Variants in DPP6 observed in about 807,000 individuals in gnomAD.
The protein encoded by DPP6 is A-type potassium channel modulatory protein DPP6.
In DPP6, 69 loss-of-function variants were observed where a neutral mutation model predicts 122.6. The observed-to-expected ratio is 0.56, with a 90% CI of 0.46 to 0.69. The LOEUF is 0.69. Ranked by LOEUF, DPP6 falls within the 30% of genes least tolerant of loss-of-function variation. The pLI is 0.00. For synonymous variants in DPP6, 418 were observed against 433.1 expected (o/e 0.97, Z 0.43); for missense variants, 928 against 1,116.9 (o/e 0.83, Z 2.41).
At chr7:154,525,599 G>C (rs994411243) in intron 3 of DPP6, among the ~76,000 whole-genome samples, 8 of 152,234 alleles carry the variant, frequency 5.3e-5, no homozygotes, top group Non-Finnish European at 1.0e-4. Flanking sequence ...TGCTACCACA[G>C]CTAATATGCA....
intron 1 of DPP6, among the ~76,000 whole-genome samples, chr7:154,172,600 T>C (rs914770721): frequency 1.2e-4 from 18 of 148,396 alleles, no homozygotes; most frequent in Non-Finnish European, 2.7e-4. Flanking sequence ...AAAGTCTTTT[T>C]TTTTCTTTTT....
At chr7:154,740,800 A>C (rs561289664) in intron 8 of DPP6, among the ~76,000 whole-genome samples, 1 of 152,030 alleles carries the variant, frequency 6.6e-6, no homozygotes, top group East Asian at 1.9e-4. Context: ...CGTCACCCCC[A>C]CACACAGGAC....
At chr7:154,623,134 T>G (rs1834804637) in intron 5 of DPP6, among the ~76,000 whole-genome samples, 1 of 152,192 alleles carries the variant, frequency 6.6e-6, no homozygotes, top group Non-Finnish European at 1.5e-5. Context: ...CTTGGTGAGA[T>G]AAACCCTTCA....
chr7:153,857,995 T>G, the DPP6 span, among the ~76,000 whole-genome samples: 1 of 152,244 alleles, frequency 6.6e-6, no homozygotes, highest in African/African-American at 2.4e-5. Context: ...TGATGTGATC[T>G]TTTTGCAAGC....
At chr7:153,996,949 C>T (rs1264464868) in intron 1 of DPP6, among the ~76,000 whole-genome samples, 1 of 152,082 alleles carries the variant, frequency 6.6e-6, no homozygotes, top group East Asian at 1.9e-4. Flanking sequence ...TCAACCATAG[C>T]AGTGTCACTA....
chr7:153,909,623 G>A (rs1563224194), intron 1 of DPP6, among the ~76,000 whole-genome samples: 1 of 151,948 alleles, frequency 6.6e-6, no homozygotes, highest in Non-Finnish European at 1.5e-5. Flanking sequence ...TGTCCACATC[G>A]CAAACGACCT....
the DPP6 span, among the ~76,000 whole-genome samples, chr7:153,791,420 C>CTTTTTTTT: frequency 2.2e-3 from 53 of 24,164 alleles, 2 homozygotes; most frequent in African/African-American, 3.9e-3. Context: ...TCCTTCCTTC[C>CTTTTTTTT]TTTCTTTTTT....
At chr7:154,715,631 T>G (rs1841441288) in intron 7 of DPP6, among the ~76,000 whole-genome samples, 1 of 152,220 alleles carries the variant, frequency 6.6e-6, no homozygotes, top group African/African-American at 2.4e-5. Flanking sequence ...GTGTGAGTGC[T>G]GACACCAAAT....
At chr7:154,499,339 G>A (rs1325093329) in intron 3 of DPP6, among the ~76,000 whole-genome samples, 1 of 152,202 alleles carries the variant, frequency 6.6e-6, no homozygotes, top group Non-Finnish European at 1.5e-5. Flanking sequence ...CCTTCTAGGA[G>A]CACAGAGTGT....
rs1425423187 is a variant in DPP6 at position 154,605,334 on chromosome 7, C to T, written c.628-32487C>T. ...ATTTGTACATTTTTAGTCAGTTTTA[C>T]GAGCAAGAGGGTATCTGTTCCATCT... On this transcript the variant is annotated intron_variant, in intron 5 of 25. Coordinates refer to ENST00000377770, the MANE Select transcript of DPP6 (RefSeq NM_130797.4). Among the ~76,000 whole-genome samples the T allele has an allele frequency of 5.9e-5, 7 of 118,730 alleles. No homozygotes were observed. In the Admixed American group the frequency reaches 6.7e-4, roughly 11 times the overall value. 77.9% of individuals were successfully genotyped at this position (118,730 alleles called of 152,430 possible).
intron 1 of DPP6, among the ~76,000 whole-genome samples, chr7:153,971,701 T>C (rs1156982936): frequency 7.0e-6 from 1 of 143,122 alleles, no homozygotes; most frequent in Non-Finnish European, 1.5e-5. Flanking sequence ...TGTTTGTTCA[T>C]TTCACACTCA....
chr7:154,186,199 C>T (rs1306772774), intron 1 of DPP6, among the ~76,000 whole-genome samples: 1 of 152,288 alleles, frequency 6.6e-6, no homozygotes, highest in African/African-American at 2.4e-5. Context: ...GGACTGGGAA[C>T]ATCTGATTAA....
At chr7:153,839,352 G>T in the DPP6 span, among the ~76,000 whole-genome samples, 2 of 152,186 alleles carry the variant, frequency 1.3e-5, no homozygotes, top group Non-Finnish European at 2.9e-5. Flanking sequence ...TCCCTTCGAG[G>T]TTTCACACAT....
In DPP6 at chr7:154,061,894, C is replaced by T. The variant is rs532152038; in HGVS notation, c.243+8831C>T. 1.4e-4 allele frequency among the ~76,000 whole-genome samples: 19 copies of T among 131,692 alleles called. 3 individuals are homozygous for T. The highest frequency in any genetic ancestry group is 2.5e-4 in the Non-Finnish European group (15 of 59,820). 86.4% of individuals were successfully genotyped at this position (131,692 alleles called of 152,430 possible). A position where few individuals can be genotyped will look rare whatever the true frequency, so the allele number is the denominator to read the frequency against. ...CCCCCGCGAGGCAGGGACTGAGAGGCAATCCCTCTTCCCCCCCTGGCTCTG... is the reference window on the plus strand; with the variant it reads ...CCCCCGCGAGGCAGGGACTGAGAGGTAATCCCTCTTCCCCCCCTGGCTCTG... On this transcript the variant is annotated intron_variant, in intron 1 of 25. Transcript: ENST00000377770.
chr7:153,782,011 C>CACA, the DPP6 span, among the ~76,000 whole-genome samples: 9 of 129,542 alleles, frequency 6.9e-5, no homozygotes, highest in Non-Finnish European at 1.2e-4. Context: ...CACACACACG[C>CACA]CTGACATTTA....
intron 1 of DPP6, among the ~76,000 whole-genome samples, chr7:153,973,461 A>G (rs1796126884): frequency 6.6e-6 from 1 of 152,172 alleles, no homozygotes; most frequent in South Asian, 2.1e-4. Context: ...CCCGTGGGCA[A>G]GATTGGGGAG....
intron 1 of DPP6, among the ~76,000 whole-genome samples, chr7:154,065,845 G>A (rs1802678060): frequency 6.6e-6 from 1 of 152,050 alleles, no homozygotes; most frequent in East Asian, 1.9e-4. Context: ...GGCCAAGGAT[G>A]TCTTCTGACT....
chr7:154,419,384 T>A (rs1817272313), intron 1 of DPP6, among the ~76,000 whole-genome samples: 1 of 152,228 alleles, frequency 6.6e-6, no homozygotes, highest in Non-Finnish European at 1.5e-5. Context: ...CATTGACTAT[T>A]TTTTAAAATA....
intron 1 of DPP6, among the ~76,000 whole-genome samples, chr7:154,217,249 C>T (rs1047861271): frequency 1.3e-5 from 2 of 152,054 alleles, no homozygotes; most frequent in Admixed American, 6.5e-5. Flanking sequence ...AGCATTGGTG[C>T]GGGTTACTTC....
Sources: allele counts gnomAD v4.1 joint callset (sites outside exome capture counted in the v4.1 genomes callset), GRCh38; gene constraint gnomAD v4.1.1; transcripts MANE v1.5; gene names NCBI Gene and HGNC (gene_info 2026-07-23, HGNC 2026-07-21).